Variants in COL4A4 observed in about 807,000 individuals in gnomAD.
COL4A4 encodes collagen alpha-4(IV) chain.
A neutral mutation model predicts 192.9 loss-of-function variants in COL4A4; 105 were observed. That is an observed-to-expected ratio of 0.54 (90% confidence interval 0.46 to 0.64). The LOEUF is 0.64. Ranked by LOEUF, COL4A4 falls within the 30% of genes least tolerant of loss-of-function variation. The pLI is 0.00. For synonymous variants in COL4A4, 762 were observed against 769.9 expected (o/e 0.99, Z 0.17); for missense variants, 1,967 against 2,169.3 (o/e 0.91, Z 1.85).
At chr2:227,014,748 T>C (rs1185247819) in intron 44 of COL4A4, among the ~76,000 whole-genome samples, 2 of 152,158 alleles carry the variant, frequency 1.3e-5, no homozygotes, top group African/African-American at 4.8e-5. Flanking sequence ...TCTCGCTGTA[T>C]CACCCTGGCT....
chr2:227,102,834 A>G lies in COL4A4; in HGVS notation c.885T>C (p.Ile295=), dbSNP rs1686099537. 1 of 1,613,638 alleles carries G rather than the reference A, an allele frequency of 6.2e-7. No individual in the cohort carries two copies. Among genetic ancestry groups the G allele is most frequent in the Non-Finnish European group, 8.5e-7 (1 of 1,179,582 alleles). Residue 295 remains isoleucine, a synonymous_variant, in exon 15 of 48, where the codon ATT becomes ATC. Transcript: ENST00000396625. Reference sequence around the variant, plus strand: ...GAATACCTTTTTCTCCTTTTGCCCCAATACCAGATTCTCCCTTTAAGAGAT... The same window carrying G: ...GAATACCTTTTTCTCCTTTTGCCCCGATACCAGATTCTCCCTTTAAGAGAT... ...GPPGRKGESG[I]GAKGEKGIPG... is the part of the protein sequence containing the mutation.
chr2:226,978,197 C>T, the COL4A4 span, among the ~76,000 whole-genome samples: 1 of 152,212 alleles, frequency 6.6e-6, no homozygotes, highest in Non-Finnish European at 1.5e-5. Flanking sequence ...TTGGACTAAA[C>T]AGCAACACAT....
intron 13 of COL4A4, 80 bp downstream of exon 13, chr2:227,103,892 A>G (rs1197426568): frequency 9.4e-7 from 1 of 1,062,154 alleles, no homozygotes; most frequent in African/African-American, 1.6e-5. Context: ...AAAGACCTCT[A>G]TACTTTGCTG....
chr2:227,012,632 CAAAA>C (rs61163440), intron 44 of COL4A4, among the ~76,000 whole-genome samples: 3 of 110,288 alleles, frequency 2.7e-5, no homozygotes, highest in South Asian at 3.0e-4. Context: ...TATTTGACTT[CAAAA>C]AAAAAAAAAA....
rs148621480 is a variant in COL4A4, at chr2:227,144,176, G to T, written c.114+340C>A. Among the ~76,000 whole-genome samples, 228 of 152,236 alleles carry T rather than the reference G, an allele frequency of 1.5e-3. 1 individual carries two copies. Among genetic ancestry groups the T allele is most frequent in the African/African-American group, 4.9e-3 (204 of 41,558 alleles). ...GATAGCTTATTACAGAATGTTCTGG[G>T]CTTATTTTTCTTCTGAGCTAAAATG... On this transcript the variant is annotated intron_variant, in intron 3 of 47. Coordinates refer to ENST00000396625, the MANE Select transcript of COL4A4 (RefSeq NM_000092.5).
rs893774526 is a variant in COL4A4, at chr2:227,091,212, A to G, written c.1370-1255T>C. On this transcript the variant is annotated intron_variant, in intron 20 of 47. Transcript: ENST00000396625. ...TGAAACATGAACAGCCTGCTACAAAAGGAAACATTAAAAGAGAACACAGCA... is the reference window on the plus strand; with the variant it reads ...TGAAACATGAACAGCCTGCTACAAAGGGAAACATTAAAAGAGAACACAGCA... Among the ~76,000 whole-genome samples the G allele has an allele frequency of 5.3e-5, 8 of 152,116 alleles. No individual in the cohort carries two copies. In the South Asian group the frequency reaches 8.3e-4, roughly 16 times the overall value.
intron 25 of COL4A4, among the ~76,000 whole-genome samples, chr2:227,076,864 T>C (rs969751355): frequency 6.6e-6 from 1 of 152,184 alleles, no homozygotes; most frequent in African/African-American, 2.4e-5. Context: ...AGAAGATATT[T>C]ATGTGGCCAA....
chr2:227,045,272 G>A (rs192396823), intron 35 of COL4A4, among the ~76,000 whole-genome samples: 53 of 152,170 alleles, frequency 3.5e-4, no homozygotes, highest in African/African-American at 1.2e-3. Flanking sequence ...CAGTTTACAG[G>A]TGAGGCAACT....
intron 31 of COL4A4, among the ~76,000 whole-genome samples, chr2:227,053,296 A>C (rs1409969356): frequency 6.6e-6 from 1 of 152,146 alleles, no homozygotes; most frequent in Non-Finnish European, 1.5e-5. Flanking sequence ...TCAATCAACT[A>C]AGAAGAAAAG....
chr2:227,051,620 C>T (rs1974113741), intron 32 of COL4A4, among the ~76,000 whole-genome samples: 1 of 152,174 alleles, frequency 6.6e-6, no homozygotes, highest in Non-Finnish European at 1.5e-5. Context: ...TACCTGGCTG[C>T]CCCAGAGCTG....
the COL4A4 span, among the ~76,000 whole-genome samples, chr2:226,971,332 G>GCAAAGTCT: frequency 2.6e-5 from 4 of 152,316 alleles, no homozygotes; most frequent in African/African-American, 9.6e-5. Flanking sequence ...CAAGTAAGTG[G>GCAAAGTCT]CAAAGTCTGG....
rs533192796 is a variant in COL4A4, at chr2:227,003,855, G to A, written c.*3470C>T. ...GAAAAAACAAAAATCTATTTTTGGA[G>A]GGGTGTGATAAGCCCATTTTGAAAG... On this transcript the variant is annotated 3_prime_UTR_variant, in exon 48 of 48. Coordinates refer to ENST00000396625, the MANE Select transcript of COL4A4 (RefSeq NM_000092.5). 6.6e-6 allele frequency: 1 copy of A among 152,306 alleles called. No homozygotes were observed. The highest frequency in any genetic ancestry group is 2.4e-5 in the African/African-American group (1 of 41,558). The allele number at this position is 152,306 out of a possible 1,614,324, so 9.4% of individuals were successfully genotyped here.
chr2:227,161,226 C>A (rs936781843), intron 1 of COL4A4, among the ~76,000 whole-genome samples: 2 of 152,206 alleles, frequency 1.3e-5, no homozygotes, highest in African/African-American at 4.8e-5. Context: ...ACAAAAATGG[C>A]CCCTGCCCTA....
chr2:226,995,245 A>AAATATTTTTTAGAGTTCT, the COL4A4 span, among the ~76,000 whole-genome samples: 1 of 152,262 alleles, frequency 6.6e-6, no homozygotes, highest in Non-Finnish European at 1.5e-5. Context: ...GAACCACTCT[A>AAATATTTTTTAGAGTTCT]AAAATATTTA....
intron 18 of COL4A4, 135 bp from the exon 19 acceptor site, chr2:227,098,933 G>A (rs932785984): frequency 3.8e-5 from 27 of 715,768 alleles, no homozygotes; most frequent in Middle Eastern, 4.9e-4. Flanking sequence ...CATTTAAAAC[G>A]AAATATCTTA....
Position 227,045,892 on chromosome 2 carries a change from A to G in COL4A4, c.3289+1583T>C, listed in dbSNP as rs1239783615. On this transcript the variant is annotated intron_variant, in intron 35 of 47. Coordinates refer to ENST00000396625, the MANE Select transcript of COL4A4 (RefSeq NM_000092.5). Reference sequence around the variant, plus strand: ...TATATATACATATATATGTATATATATTTAGATAGTATATATATGTATGTA... The same window carrying G: ...TATATATACATATATATGTATATATGTTTAGATAGTATATATATGTATGTA... 3.5e-3 allele frequency among the ~76,000 whole-genome samples: 340 copies of G among 97,180 alleles called. 25 individuals carry two copies. The highest frequency in any genetic ancestry group is 7.0e-3 in the African/African-American group (172 of 24,534). 63.8% of individuals were successfully genotyped at this position (97,180 alleles called of 152,430 possible).
chr2:226,983,990 A>G, the COL4A4 span, among the ~76,000 whole-genome samples: 1 of 152,342 alleles, frequency 6.6e-6, no homozygotes, highest in Admixed American at 6.5e-5. Context: ...CCCTGCTCGT[A>G]TAGGAGGGTG....
chr2:226,985,695 A>G, the COL4A4 span, among the ~76,000 whole-genome samples: 1 of 152,206 alleles, frequency 6.6e-6, no homozygotes, highest in Non-Finnish European at 1.5e-5. Context: ...ATCAGCAACT[A>G]TTTCTTAAAC....
chr2:227,016,588 G>A (rs2149802140), intron 44 of COL4A4, among the ~76,000 whole-genome samples: 1 of 152,284 alleles, frequency 6.6e-6, no homozygotes, highest in African/African-American at 2.4e-5. Context: ...GAAGTGTTCA[G>A]GTAATGAGGT....
Sources: allele counts gnomAD v4.1 joint callset (sites outside exome capture counted in the v4.1 genomes callset), GRCh38; gene constraint gnomAD v4.1.1; transcripts MANE v1.5; gene names NCBI Gene and HGNC (gene_info 2026-07-23, HGNC 2026-07-21).